Variants in DLG2 observed in about 807,000 individuals in gnomAD.
The protein encoded by DLG2 is discs large MAGUK scaffold protein 2, also known as disks large homolog 2.
Under a neutral mutation model 132.5 loss-of-function variants are expected in DLG2, and 45 were observed. That is an observed-to-expected ratio of 0.34 (90% confidence interval 0.27 to 0.44). The LOEUF is 0.44. Ranked by LOEUF, DLG2 falls within the 20% of genes least tolerant of loss-of-function variation. The pLI, the probability that DLG2 is intolerant of heterozygous loss-of-function variation, is 1.00. For missense variants in DLG2, 1,045 were observed against 1,196.9 expected (o/e 0.87, Z 1.87); for synonymous variants, 424 against 419.6 (o/e 1.01, Z -0.13).
chr11:85,514,537 C>T (rs2094137839), intron 3 of DLG2, among the ~76,000 whole-genome samples: 1 of 151,930 alleles, frequency 6.6e-6, no homozygotes, highest in Non-Finnish European at 1.5e-5. Flanking sequence ...TCTTACAGCA[C>T]TTTTTGGAAC....
intron 7 of DLG2, among the ~76,000 whole-genome samples, chr11:84,350,621 C>T (rs1366889898): frequency 1.3e-5 from 2 of 152,204 alleles, no homozygotes; most frequent in South Asian, 2.1e-4. Flanking sequence ...ATACATTTAG[C>T]ATATAGTTAT....
chr11:84,851,804 C>T (rs1348398815), intron 6 of DLG2, among the ~76,000 whole-genome samples: 2 of 151,436 alleles, frequency 1.3e-5, no homozygotes, highest in Non-Finnish European at 2.9e-5. Flanking sequence ...TTAATAATAT[C>T]GTTTTCAAAG....
At chr11:84,640,487 T>A (rs1408460804) in intron 6 of DLG2, 6 of 460,196 alleles carry the variant, frequency 1.3e-5, no homozygotes. Context: ...CCACAACAGT[T>A]AAAAACAAAG....
At chr11:84,991,540 G>A (rs1165072326) in intron 6 of DLG2, among the ~76,000 whole-genome samples, 5 of 122,744 alleles carry the variant, frequency 4.1e-5, no homozygotes, top group African/African-American at 6.5e-5. Context: ...AGAAAGAAAG[G>A]AAGAAAGAAA....
At chr11:84,233,665 C>A (rs938863410) in intron 8 of DLG2, among the ~76,000 whole-genome samples, 7 of 152,152 alleles carry the variant, frequency 4.6e-5, no homozygotes, top group African/African-American at 1.4e-4. Context: ...GTTTTTTGCA[C>A]CCTATGTAAA....
At chr11:83,955,254 A>C (rs1231267190) in intron 14 of DLG2, among the ~76,000 whole-genome samples, 1 of 152,216 alleles carries the variant, frequency 6.6e-6, no homozygotes, top group Non-Finnish European at 1.5e-5. Flanking sequence ...TAACTGATTC[A>C]AGGTCACACA....
chr11:83,779,910 A>G (rs2094741217), intron 18 of DLG2, among the ~76,000 whole-genome samples: 1 of 152,138 alleles, frequency 6.6e-6, no homozygotes, highest in East Asian at 1.9e-4. Context: ...CTTCTATCTC[A>G]CCTAAGTTGG....
rs866119551 is a variant in DLG2, at chr11:83,503,388, T to G, written c.2194-19160A>C. On this transcript the variant is annotated intron_variant, in intron 21 of 27. Coordinates refer to ENST00000376104, the MANE Select transcript of DLG2 (RefSeq NM_001142699.3). ...ACCCATTTATATATATATATATATA[T>G]ATATATATATATATATATATATATA... 7.4e-5 allele frequency among the ~76,000 whole-genome samples: 3 copies of G among 40,676 alleles called. No individual in the cohort carries two copies. In the Admixed American group the frequency reaches 7.6e-4, roughly 10 times the overall value. The allele number at this position is 40,676 out of a possible 152,430, so 26.7% of individuals were successfully genotyped here. A position where few individuals can be genotyped will look rare whatever the true frequency, so the allele number is the denominator to read the frequency against.
chr11:85,048,472 G>A (rs2062570020), intron 6 of DLG2, among the ~76,000 whole-genome samples: 1 of 151,920 alleles, frequency 6.6e-6, no homozygotes, highest in Non-Finnish European at 1.5e-5. Flanking sequence ...GACCCCTTGG[G>A]AATCTGCAAT....
intron 6 of DLG2, among the ~76,000 whole-genome samples, chr11:85,034,176 C>T (rs541148773): frequency 2.0e-5 from 3 of 151,418 alleles, no homozygotes; most frequent in African/African-American, 7.3e-5. Flanking sequence ...CTCCCAGGTT[C>T]ACGCCATTCT....
chr11:84,985,291 G>A (rs2056327917), intron 6 of DLG2, among the ~76,000 whole-genome samples: 1 of 152,112 alleles, frequency 6.6e-6, no homozygotes. Context: ...TCAGACCACA[G>A]TGCGTTAAAA....
At chr11:84,110,379 T>G in intron 9 of DLG2, among the ~76,000 whole-genome samples, 1 of 152,218 alleles carries the variant, frequency 6.6e-6, no homozygotes, top group South Asian at 2.1e-4. Context: ...TCAAATTTCC[T>G]TAAGTAAAAT....
chr11:84,462,963 T>C (rs1190884352), intron 7 of DLG2, among the ~76,000 whole-genome samples: 1 of 151,244 alleles, frequency 6.6e-6, no homozygotes, highest in East Asian at 1.9e-4. Flanking sequence ...CTTTCGGAAG[T>C]GTCAAGTGCA....
rs185841826 is a variant in DLG2, at chr11:84,140,651, G to T, written c.624+22810C>A. ...AGGCAGATGAGCAGGGAGAAGTATG[G>T]CTTATTTCCCAAACATTAAGGAATA... On this transcript the variant is annotated intron_variant, in intron 9 of 27. Coordinates refer to ENST00000376104, the MANE Select transcript of DLG2 (RefSeq NM_001142699.3). Among the ~76,000 whole-genome samples the T allele has an allele frequency of 3.3e-3, 501 of 152,186 alleles. 4 individuals are homozygous for T. Among genetic ancestry groups the T allele is most frequent in the African/African-American group, 0.012 (489 of 41,534 alleles).
At chr11:84,877,224 A>T (rs1320991168) in intron 6 of DLG2, among the ~76,000 whole-genome samples, 1 of 152,054 alleles carries the variant, frequency 6.6e-6, no homozygotes, top group Non-Finnish European at 1.5e-5. Context: ...AGCTGAGTTC[A>T]AGTCCTGAAT....
chr11:84,787,258 T>C (rs768644425), intron 6 of DLG2, among the ~76,000 whole-genome samples: 8 of 152,102 alleles, frequency 5.3e-5, no homozygotes, highest in Non-Finnish European at 7.4e-5. Flanking sequence ...TAAGACTCCA[T>C]TGTTCTCTTT....
At chr11:84,763,579 G>A (rs2067961616) in intron 6 of DLG2, among the ~76,000 whole-genome samples, 1 of 152,072 alleles carries the variant, frequency 6.6e-6, no homozygotes, top group African/African-American at 2.4e-5. Context: ...CCTAGACACA[G>A]TTTCTCATTT....
chr11:84,198,330 T>G (rs911421108), intron 8 of DLG2, among the ~76,000 whole-genome samples: 1 of 152,134 alleles, frequency 6.6e-6, no homozygotes, highest in African/African-American at 2.4e-5. Context: ...AGTAACAAAG[T>G]TAGAGCTTAT....
chr11:84,447,153 A>G (rs1483187844), intron 7 of DLG2, among the ~76,000 whole-genome samples: 1 of 152,226 alleles, frequency 6.6e-6, no homozygotes, highest in Non-Finnish European at 1.5e-5. Flanking sequence ...ACGCTGTAAG[A>G]CAGACCACCA....
Sources: gnomAD v4.1 joint callset for allele counts (sites outside exome capture counted in the v4.1 genomes callset) on GRCh38, gnomAD v4.1.1 for gene constraint, MANE v1.5 for transcripts, NCBI Gene and HGNC (gene_info 2026-07-23, HGNC 2026-07-21) for gene names.